The following KCNH1 variants were observed in gnomAD, a reference collection of about 807,000 sequenced individuals.
KCNH1 encodes potassium voltage-gated channel subfamily H member 1, also known as voltage-gated delayed rectifier potassium channel KCNH1.
A neutral mutation model predicts 69.2 loss-of-function variants in KCNH1; 27 were observed. The ratio of observed to expected loss-of-function variants is 0.39; its 90% CI spans 0.29 to 0.54. The LOEUF (loss-of-function observed/expected upper bound fraction) is 0.54, where lower values mean the gene tolerates loss of function less well. KCNH1 is among the 20% of genes least tolerant of loss of function. KCNH1 has a pLI of 0.68. For missense variants in KCNH1, 798 were observed against 1,261.6 expected, an observed-to-expected ratio of 0.63 and a Z score of 5.57; for synonymous variants, 456 against 487.7, an observed-to-expected ratio of 0.93 and a Z score of 0.86.
chr1:211,122,452 T>G (rs1691706297), intron 1 of KCNH1, among the ~76,000 whole-genome samples: 1 of 152,178 alleles, frequency 6.6e-6, no homozygotes, highest in Admixed American at 6.5e-5. Flanking sequence ...GAAATACTAT[T>G]TGACCCAGCA....
At chr1:210,709,759 AGAG>A (rs1236508912) in intron 10 of KCNH1, among the ~76,000 whole-genome samples, 9 of 151,958 alleles carry the variant, frequency 5.9e-5, no homozygotes, top group Non-Finnish European at 1.3e-4. Flanking sequence ...AGAGAGAGAG[AGAG>A]AGAAATGATA....
chr1:211,075,901 A>C (rs1690723850), intron 5 of KCNH1, among the ~76,000 whole-genome samples: 1 of 152,234 alleles, frequency 6.6e-6, no homozygotes, highest in Non-Finnish European at 1.5e-5. Context: ...TTCCAATGGT[A>C]TTAGCAAATA....
intron 7 of KCNH1, among the ~76,000 whole-genome samples, chr1:210,823,548 C>A (rs1254213409): frequency 6.6e-6 from 1 of 152,176 alleles, no homozygotes; most frequent in African/African-American, 2.4e-5. Flanking sequence ...CCTCCAAATT[C>A]TCTCTTACTA....
intron 6 of KCNH1, among the ~76,000 whole-genome samples, chr1:210,984,356 T>A (rs1336373369): frequency 6.6e-6 from 1 of 152,352 alleles, no homozygotes; most frequent in Admixed American, 6.5e-5. Flanking sequence ...TGTGCCAGTT[T>A]TCAAAGGGAA....
At chr1:210,997,300 C>A (rs145785988) in intron 6 of KCNH1, among the ~76,000 whole-genome samples, 7 of 152,044 alleles carry the variant, frequency 4.6e-5, no homozygotes, top group African/African-American at 1.7e-4. Context: ...GAATAACCAA[C>A]GCAGAGAAGT....
At chr1:210,995,705 T>C (rs941308024) in intron 6 of KCNH1, among the ~76,000 whole-genome samples, 10 of 152,168 alleles carry the variant, frequency 6.6e-5, no homozygotes, top group African/African-American at 2.4e-4. Context: ...GTCAAGACCC[T>C]AAGTAGTAAA....
chr1:210,951,809 C>T (rs1487180694), intron 6 of KCNH1, among the ~76,000 whole-genome samples: 1 of 152,086 alleles, frequency 6.6e-6, no homozygotes, highest in African/African-American at 2.4e-5. Context: ...CCTGACTGAA[C>T]TCAGGCCATC....
intron 10 of KCNH1, among the ~76,000 whole-genome samples, chr1:210,764,957 C>G (rs934351894): frequency 6.6e-6 from 1 of 152,200 alleles, no homozygotes; most frequent in Admixed American, 6.5e-5. Context: ...ATGGAATCAA[C>G]CCAGGTGCCC....
rs1687983597 is a variant in KCNH1 at position 210,947,558 on chromosome 1, C to T, written c.1033-27489G>A. Among the ~76,000 whole-genome samples the T allele has an allele frequency of 2.7e-5, 4 of 148,882 alleles. No individual in the cohort carries two copies. In the South Asian group the frequency reaches 8.6e-4, roughly 32 times the overall value. The stretch of plus-strand genomic sequence containing the variant: ...CCACTGCACTCCAACCTGGGCAACA[C>T]AGCAAGACTCTGTCTCAAAAAAAAA... On this transcript the variant is annotated intron_variant, in intron 6 of 10. Transcript: ENST00000271751.
intron 5 of KCNH1, among the ~76,000 whole-genome samples, chr1:211,079,187 A>T (rs1221859214): frequency 2.0e-5 from 3 of 152,116 alleles, no homozygotes; most frequent in Non-Finnish European, 4.4e-5. Context: ...AACTATAAAC[A>T]CCTCTATGCA....
chr1:210,986,419 T>TG (rs1255611032), intron 6 of KCNH1, among the ~76,000 whole-genome samples: 3 of 152,236 alleles, frequency 2.0e-5, no homozygotes, highest in African/African-American at 7.2e-5. Flanking sequence ...CAGTGGCTGG[T>TG]ACTGGTTGTT....
intron 5 of KCNH1, among the ~76,000 whole-genome samples, chr1:211,021,169 G>C (rs1415874295): frequency 1.3e-5 from 2 of 152,098 alleles, no homozygotes; most frequent in Admixed American, 6.5e-5. Context: ...GGGTGGGAAG[G>C]GGGTAGGGGA....
At chr1:210,715,257 G>A (rs1682199087) in intron 10 of KCNH1, among the ~76,000 whole-genome samples, 1 of 152,202 alleles carries the variant, frequency 6.6e-6, no homozygotes, top group African/African-American at 2.4e-5. Flanking sequence ...CTCACACTCA[G>A]GCACTTGAGT....
intron 10 of KCNH1, among the ~76,000 whole-genome samples, chr1:210,755,826 T>C (rs1683387845): frequency 6.6e-6 from 1 of 152,152 alleles, no homozygotes; most frequent in Non-Finnish European, 1.5e-5. Flanking sequence ...CACAGCAAAT[T>C]TTCTGAGTCC....
At chr1:210,950,966 A>G (rs1688052950) in intron 6 of KCNH1, among the ~76,000 whole-genome samples, 1 of 152,224 alleles carries the variant, frequency 6.6e-6, no homozygotes, top group African/African-American at 2.4e-5. Flanking sequence ...AAAAATAAGC[A>G]AAAGAAAATA....
At chr1:210,953,377 T>A (rs991528871) in intron 6 of KCNH1, among the ~76,000 whole-genome samples, 2 of 152,198 alleles carry the variant, frequency 1.3e-5, no homozygotes, top group African/African-American at 4.8e-5. Context: ...GTTCTCACCA[T>A]AAGATTTCTA....
chr1:210,754,857 C>T (rs1306075554), intron 10 of KCNH1, among the ~76,000 whole-genome samples: 3 of 143,110 alleles, frequency 2.1e-5, no homozygotes, highest in Admixed American at 2.0e-4. Flanking sequence ...CACACACACA[C>T]ACACACACAC....
At chr1:210,878,447 G>C (rs1686428401) in intron 7 of KCNH1, among the ~76,000 whole-genome samples, 1 of 152,072 alleles carries the variant, frequency 6.6e-6, no homozygotes, top group Admixed American at 6.6e-5. Context: ...TGTAATGTCT[G>C]CTCTCAGATC....
intron 5 of KCNH1, among the ~76,000 whole-genome samples, chr1:211,028,507 T>C (rs1218903291): frequency 6.6e-6 from 1 of 151,910 alleles, no homozygotes; most frequent in Admixed American, 6.6e-5. Context: ...TCAGTGGTCT[T>C]TGAAAAGATC....
Sources: gnomAD v4.1 joint callset for allele counts (sites outside exome capture counted in the v4.1 genomes callset) on GRCh38, gnomAD v4.1.1 for gene constraint, MANE v1.5 for transcripts, NCBI Gene and HGNC (gene_info 2026-07-23, HGNC 2026-07-21) for gene names.